The following MYO5B variants were observed in gnomAD, a reference collection of about 807,000 sequenced individuals.
MYO5B encodes myosin VB, also known as unconventional myosin-Vb.
A neutral mutation model predicts 229.3 loss-of-function variants in MYO5B; 143 were observed. The ratio of observed to expected loss-of-function variants is 0.62; its 90% CI spans 0.54 to 0.72. The LOEUF (loss-of-function observed/expected upper bound fraction) is 0.72. Ranked by LOEUF, MYO5B falls within the 30% of genes least tolerant of loss-of-function variation. The pLI, the probability that MYO5B is intolerant of heterozygous loss-of-function variation, is 0.00. For missense variants in MYO5B, 2,321 were observed against 2,331.0 expected, an observed-to-expected ratio of 1.00 and a Z score of 0.09; for synonymous variants, 918 against 885.2, an observed-to-expected ratio of 1.04 and a Z score of -0.66.
intron 1 of MYO5B, among the ~76,000 whole-genome samples, chr18:50,180,752 A>AT (rs1311089244): frequency 4.6e-5 from 7 of 152,208 alleles, no homozygotes; most frequent in Non-Finnish European, 7.3e-5. Context: ...GATACCTCAT[A>AT]TAAGTGGAAA....
intron 2 of MYO5B, among the ~76,000 whole-genome samples, chr18:50,043,224 G>GTATATATACACAAATA: frequency 7.3e-6 from 1 of 137,700 alleles, no homozygotes; most frequent in Non-Finnish European, 1.5e-5. Context: ...TGGTGTGTGT[G>GTATATATACACAAATA]TATATATACA....
At chr18:50,141,816 G>A (rs1389552866) in intron 1 of MYO5B, among the ~76,000 whole-genome samples, 1 of 152,158 alleles carries the variant, frequency 6.6e-6, no homozygotes, top group African/African-American at 2.4e-5. Context: ...CAAGAAACAA[G>A]GTCAGCCTGC....
intron 7 of MYO5B, among the ~76,000 whole-genome samples, chr18:49,988,352 A>G (rs1035293731): frequency 2.0e-5 from 3 of 152,190 alleles, no homozygotes; most frequent in African/African-American, 4.8e-5. Flanking sequence ...AGCGCTTGTC[A>G]AAGGCTCTTG....
At chr18:50,099,858 A>G (rs1032747005) in intron 1 of MYO5B, among the ~76,000 whole-genome samples, 2 of 152,128 alleles carry the variant, frequency 1.3e-5, no homozygotes, top group African/African-American at 2.4e-5. Flanking sequence ...TTTATCCTCC[A>G]CCAAAAGGGC....
intron 1 of MYO5B, among the ~76,000 whole-genome samples, chr18:50,136,353 T>G (rs984667401): frequency 2.9e-4 from 38 of 132,838 alleles, no homozygotes; most frequent in East Asian, 6.3e-4. Flanking sequence ...TTGTTTTTTG[T>G]TTTTTTTTTA....
At chr18:50,135,625 T>A (rs2032323342) in intron 1 of MYO5B, among the ~76,000 whole-genome samples, 1 of 152,238 alleles carries the variant, frequency 6.6e-6, no homozygotes, top group Non-Finnish European at 1.5e-5. Context: ...AGATAATATG[T>A]ATTTAAATGG....
At chr18:50,050,239 T>G (rs548143278) in intron 2 of MYO5B, among the ~76,000 whole-genome samples, 1 of 152,136 alleles carries the variant, frequency 6.6e-6, no homozygotes, top group Non-Finnish European at 1.5e-5. Flanking sequence ...CTAAGAAGCT[T>G]TGGTGGCTCC....
intron 1 of MYO5B, among the ~76,000 whole-genome samples, chr18:50,063,568 G>C (rs2030742994): frequency 6.6e-6 from 1 of 152,174 alleles, no homozygotes; most frequent in Non-Finnish European, 1.5e-5. Flanking sequence ...AGCAACCTCG[G>C]GGGAGAGGAG....
intron 1 of MYO5B, among the ~76,000 whole-genome samples, chr18:50,173,229 C>T (rs2032943955): frequency 6.6e-6 from 1 of 151,424 alleles, no homozygotes; most frequent in African/African-American, 2.4e-5. Flanking sequence ...CACACCACTG[C>T]ACTCCAGCCT....
chr18:50,094,375 G>A lies in MYO5B; in HGVS notation c.28-38997C>T, dbSNP rs190242233. 6.6e-5 allele frequency among the ~76,000 whole-genome samples: 10 copies of A among 152,272 alleles called. 1 individual carries two copies. In the East Asian group the frequency reaches 1.9e-3, roughly 29 times the overall value. On this transcript the variant is annotated intron_variant, in intron 1 of 39. Coordinates refer to ENST00000285039, the MANE Select transcript of MYO5B (RefSeq NM_001080467.3). ...CTGAGCAGGTGGGCTTAGAAACAGGGAGGGGAAAATGTGGTTTAAAAAAAA... is the reference window on the plus strand; with the variant it reads ...CTGAGCAGGTGGGCTTAGAAACAGGAAGGGGAAAATGTGGTTTAAAAAAAA...
intron 1 of MYO5B, among the ~76,000 whole-genome samples, chr18:50,080,099 A>G (rs971912392): frequency 1.3e-5 from 2 of 152,286 alleles, no homozygotes; most frequent in Non-Finnish European, 2.9e-5. Flanking sequence ...ACCACTGTCC[A>G]TGTCCAGAAT....
At chr18:49,990,042 C>T (rs2025912322) in intron 7 of MYO5B, among the ~76,000 whole-genome samples, 1 of 152,164 alleles carries the variant, frequency 6.6e-6, no homozygotes, top group Admixed American at 6.5e-5. Flanking sequence ...TGCCTCAATC[C>T]TAAACTATGA....
chr18:50,144,195 T>C (rs1003238838), intron 1 of MYO5B, among the ~76,000 whole-genome samples: 2 of 152,230 alleles, frequency 1.3e-5, no homozygotes, highest in East Asian at 1.9e-4. Flanking sequence ...TAGAAAGGAA[T>C]AGATTAAGAA....
chr18:49,857,024 T>C, intron 29 of MYO5B, 134 bp from the exon 30 acceptor site: 2 of 739,510 alleles, frequency 2.7e-6, no homozygotes, highest in Non-Finnish European at 4.8e-6. Flanking sequence ...GAACTCCCAT[T>C]TTCCCTTCCT....
intron 1 of MYO5B, among the ~76,000 whole-genome samples, chr18:50,088,785 TCATTGTTTTG>T (rs1165309104): frequency 7.9e-5 from 12 of 152,214 alleles, no homozygotes; most frequent in Non-Finnish European, 1.2e-4. Flanking sequence ...TCTTTTCCAG[TCATTGTTTTG>T]CATATCTATC....
At position 49,883,927 on chromosome 18, in the gene MYO5B, G is replaced by A. The variant is rs141906855; in HGVS notation, c.3046-3472C>T. ...TATCTACATGGAAAAAAATGAAGCT[G>A]GACCACTACCTCATAATATACAAAA... On this transcript the variant is annotated intron_variant, in intron 22 of 39. Transcript: ENST00000285039. Among the ~76,000 whole-genome samples, 949 of 152,090 alleles carry A rather than the reference G, an allele frequency of 6.2e-3. 18 individuals are homozygous for A. The highest frequency in any genetic ancestry group is 0.022 in the African/African-American group (913 of 41,476).
At chr18:50,015,497 A>G (rs1378208920) in intron 4 of MYO5B, among the ~76,000 whole-genome samples, 3 of 152,224 alleles carry the variant, frequency 2.0e-5, no homozygotes, top group Non-Finnish European at 2.9e-5. Context: ...GTCCCTTAAC[A>G]TTTGTAAAAT....
intron 22 of MYO5B, among the ~76,000 whole-genome samples, chr18:49,888,297 C>T (rs2024668699): frequency 6.6e-6 from 1 of 152,130 alleles, no homozygotes; most frequent in African/African-American, 2.4e-5. Context: ...ACCAGAATGT[C>T]TCCAGGCACT....
intron 17 of MYO5B, among the ~76,000 whole-genome samples, chr18:49,923,885 G>A (rs934347016): frequency 2.0e-5 from 3 of 152,030 alleles, no homozygotes; most frequent in South Asian, 2.1e-4. Flanking sequence ...TCCCCTGCTT[G>A]ACATGGTCCT....
Sources: allele counts gnomAD v4.1 joint callset (sites outside exome capture counted in the v4.1 genomes callset), GRCh38; gene constraint gnomAD v4.1.1; transcripts MANE v1.5; gene names NCBI Gene and HGNC (gene_info 2026-07-23, HGNC 2026-07-21).